ZHX3: variants seen among roughly 807,000 people sequenced by gnomAD.
ZHX3 encodes zinc fingers and homeoboxes 3, also known as zinc fingers and homeoboxes protein 3.
Under a neutral mutation model 64.5 loss-of-function variants are expected in ZHX3, and 20 were observed. The observed-to-expected ratio is 0.31, with a 90% CI of 0.22 to 0.45. The LOEUF (loss-of-function observed/expected upper bound fraction) is 0.45. Ranked by LOEUF, ZHX3 falls within the 20% of genes least tolerant of loss-of-function variation. ZHX3 has a pLI of 1.00. For missense variants in ZHX3, 1,041 were observed against 1,195.8 expected (o/e 0.87, Z 1.91); for synonymous variants, 423 against 461.6 (o/e 0.92, Z 1.07).
At chr20:41,275,197 A>G (rs1405356329) in intron 1 of ZHX3, among the ~76,000 whole-genome samples, 1 of 152,122 alleles carries the variant, frequency 6.6e-6, no homozygotes, top group Non-Finnish European at 1.5e-5. Context: ...GTTTATAAAT[A>G]CCTTCAGTCA....
intron 1 of ZHX3, among the ~76,000 whole-genome samples, chr20:41,273,843 A>G (rs1005991328): frequency 1.4e-4 from 22 of 152,164 alleles, no homozygotes; most frequent in African/African-American, 4.8e-4. Context: ...GCAATTCTAT[A>G]TGAATTTTAG....
In ZHX3 at chr20:41,195,969, T is replaced by A. The variant is rs1034288611; in HGVS notation, c.2860+6088A>T. Among the ~76,000 whole-genome samples the A allele has an allele frequency of 3.3e-5, 5 of 152,092 alleles. No homozygotes were observed. Among genetic ancestry groups the A allele is most frequent in the African/African-American group, 9.7e-5 (4 of 41,394 alleles). ...TGGAATGTACTCTGTATAATCTCAG[T>A]TTTTAAAAATGTATTAACACTTGTT... On this transcript the variant is annotated intron_variant, in intron 3 of 3. Transcript: ENST00000683867. This position sits in a 1 kb window ranked among gnomAD's most constrained non-coding sequence, Gnocchi z 4.2.
At chr20:41,236,184 T>C (rs888099745) in intron 2 of ZHX3, among the ~76,000 whole-genome samples, 55 of 152,194 alleles carry the variant, frequency 3.6e-4, no homozygotes, top group Admixed American at 1.3e-3. Context: ...ATCGTGATAA[T>C]GGCCATACTG....
intron 1 of ZHX3, among the ~76,000 whole-genome samples, chr20:41,308,680 C>G (rs2045046644): frequency 6.6e-6 from 1 of 152,152 alleles, no homozygotes; most frequent in Admixed American, 6.5e-5. Flanking sequence ...AGCAGCTATT[C>G]TTTTGCAGGA....
intron 3 of ZHX3, among the ~76,000 whole-genome samples, chr20:41,192,024 T>A (rs1408962785): frequency 6.6e-6 from 1 of 152,110 alleles, no homozygotes; most frequent in East Asian, 1.9e-4. Context: ...TTCCCAGGCA[T>A]GTGATCAGGT....
At chr20:41,246,547 G>A (rs1013517098) in intron 2 of ZHX3, among the ~76,000 whole-genome samples, 7 of 152,094 alleles carry the variant, frequency 4.6e-5, no homozygotes, top group African/African-American at 1.7e-4. Flanking sequence ...AAAAAATCCA[G>A]GCTTTTGAAA....
chr20:41,183,347 G>T lies in ZHX3; in HGVS notation c.*1844C>A, dbSNP rs1328168821. ...TCCCCAAATTAAGAATACAAAAATA[G>T]GCTGCAAAACTTGCCAAGTACTCAC... On this transcript the variant is annotated 3_prime_UTR_variant, in exon 4 of 4. Transcript: ENST00000683867. The surrounding 1 kb of genome is among the most constrained non-coding windows in gnomAD (Gnocchi z 5.3). 6.6e-6 allele frequency: 1 copy of T among 152,180 alleles called. No homozygotes were observed. Among genetic ancestry groups the T allele is most frequent in the Non-Finnish European group, 1.5e-5 (1 of 68,028 alleles). 9.4% of individuals were successfully genotyped at this position (152,180 alleles called of 1,614,324 possible).
At chr20:41,267,915 C>T (rs2042942077) in intron 2 of ZHX3, among the ~76,000 whole-genome samples, 1 of 152,156 alleles carries the variant, frequency 6.6e-6, no homozygotes, top group African/African-American at 2.4e-5. Context: ...TGTCTTATGA[C>T]ATTTTTGGTT....
intron 2 of ZHX3, among the ~76,000 whole-genome samples, chr20:41,268,745 C>G (rs922674386): frequency 2.8e-4 from 42 of 152,154 alleles, no homozygotes; most frequent in African/African-American, 9.9e-4. Flanking sequence ...AGATTCCTAT[C>G]AGATGATCAA....
At chr20:41,306,770 G>A (rs571926784) in intron 1 of ZHX3, among the ~76,000 whole-genome samples, 1 of 152,344 alleles carries the variant, frequency 6.6e-6, no homozygotes, top group South Asian at 2.1e-4. Context: ...AACTATATAT[G>A]TTGATTCCCA....
intron 1 of ZHX3, among the ~76,000 whole-genome samples, chr20:41,312,799 C>G (rs2045179347): frequency 6.6e-6 from 1 of 151,974 alleles, no homozygotes; most frequent in Admixed American, 6.6e-5. Context: ...AGGAGGGGAG[C>G]CTGGAGAGGG....
chr20:41,259,503 G>C (rs2042445951), intron 2 of ZHX3, among the ~76,000 whole-genome samples: 1 of 152,132 alleles, frequency 6.6e-6, no homozygotes, highest in African/African-American at 2.4e-5. Context: ...GCTAAATTAT[G>C]ATGACTCCAC....
intron 2 of ZHX3, among the ~76,000 whole-genome samples, chr20:41,254,141 G>A (rs1013710): frequency 0.58 from 88,774 of 151,964 alleles, 27,538 homozygotes; most frequent in East Asian, 0.82. Context: ...GGAAGGAAGA[G>A]AGGAAGAAAA....
chr20:41,296,783 G>A (rs1394221629), intron 1 of ZHX3, among the ~76,000 whole-genome samples: 2 of 152,196 alleles, frequency 1.3e-5, no homozygotes, highest in Non-Finnish European at 1.5e-5. Context: ...AGGGAGAAGC[G>A]AGGGAGGGAA....
chr20:41,209,655 A>C (rs2039005304), intron 2 of ZHX3, among the ~76,000 whole-genome samples: 1 of 152,234 alleles, frequency 6.6e-6, no homozygotes, highest in Admixed American at 6.5e-5. Flanking sequence ...CAGAAAGCTG[A>C]AACTGGATCC....
chr20:41,202,432 C>G lies in ZHX3; in HGVS notation c.2485G>C (p.Asp829His). The part of the protein sequence containing the change: ...LKNGQLKWYE[D>H]YKRGNFPPGL... ...GGTGGGAAGTTGCCTCGCTTATAGT[C>G]TTCGTACCATTTGAGTTGGCCGTTC... The change falls in exon 3 of 4, where the codon GAC (aspartate) becomes CAC (histidine). Residue 829 changes from aspartate to histidine, a missense_variant. This residue lies in a region of ZHX3 where 649 missense variants were observed against 739.8 expected (regional missense o/e 0.88). Coordinates refer to ENST00000683867, the MANE Select transcript of ZHX3 (RefSeq NM_001384317.1). The surrounding 1 kb of genome is among the most constrained non-coding windows in gnomAD (Gnocchi z 7.0). 1 of 1,614,208 alleles carries G rather than the reference C, an allele frequency of 6.2e-7. No individual in the cohort carries two copies. The highest frequency in any genetic ancestry group is 8.5e-7 in the Non-Finnish European group (1 of 1,180,024).
intron 1 of ZHX3, among the ~76,000 whole-genome samples, chr20:41,315,257 A>G (rs1055864863): frequency 6.6e-6 from 1 of 150,944 alleles, no homozygotes; most frequent in African/African-American, 2.4e-5. Context: ...ATCTTGGCTC[A>G]ATGCAACCTC....
chr20:41,265,482 G>A (rs984779626), intron 2 of ZHX3, among the ~76,000 whole-genome samples: 6 of 152,138 alleles, frequency 3.9e-5, no homozygotes, highest in Admixed American at 1.3e-4. Flanking sequence ...GATGACAGGC[G>A]TGAGCCACCG....
At chr20:41,271,926 C>T (rs1008426520) in intron 1 of ZHX3, 1 of 152,062 alleles carries the variant, frequency 6.6e-6, no homozygotes, top group Non-Finnish European at 1.5e-5. Context: ...GTGTAGCTTA[C>T]AAAATCACCA....
Sources: allele counts gnomAD v4.1 joint callset (sites outside exome capture counted in the v4.1 genomes callset), GRCh38; gene constraint gnomAD v4.1.1; regional missense constraint gnomAD v4.1.1; non-coding constraint Gnocchi (gnomAD v3.1); transcripts MANE v1.5; gene names NCBI Gene and HGNC (gene_info 2026-07-23, HGNC 2026-07-21).